SLC6A11: variants seen among roughly 807,000 people sequenced by gnomAD.
SLC6A11 encodes sodium- and chloride-dependent GABA transporter 3.
In SLC6A11, 25 loss-of-function variants were observed where a neutral mutation model predicts 74.8. The observed-to-expected ratio is 0.33, with a 90% CI of 0.24 to 0.47. SLC6A11 has a LOEUF of 0.47. SLC6A11 is among the 20% of genes least tolerant of loss of function. The probability of loss-of-function intolerance (pLI) is 1.00; values close to 1 mark genes in which losing one functional copy is unlikely to be tolerated. For missense variants in SLC6A11, 574 were observed against 837.0 expected, an observed-to-expected ratio of 0.69 and a Z score of 3.88; for synonymous variants, 330 against 330.2, an observed-to-expected ratio of 1.00 and a Z score of 0.01.
chr3:10,857,889 A>G (rs1694657505), intron 5 of SLC6A11, among the ~76,000 whole-genome samples: 1 of 152,258 alleles, frequency 6.6e-6, no homozygotes, highest in Non-Finnish European at 1.5e-5. Flanking sequence ...TAAATAAAAC[A>G]GCATGTATTT....
intron 6 of SLC6A11, among the ~76,000 whole-genome samples, chr3:10,889,402 C>T (rs1347110755): frequency 6.6e-6 from 1 of 152,186 alleles, no homozygotes; most frequent in Non-Finnish European, 1.5e-5. Context: ...CCCACCACTG[C>T]AGTATCACAC....
intron 6 of SLC6A11, among the ~76,000 whole-genome samples, chr3:10,906,027 C>G (rs1052800838): frequency 1.3e-5 from 2 of 152,174 alleles, no homozygotes; most frequent in African/African-American, 4.8e-5. Flanking sequence ...CCATGTATCT[C>G]TTGAACATCT....
At chr3:10,895,902 G>C (rs1197741340) in intron 6 of SLC6A11, among the ~76,000 whole-genome samples, 1 of 152,224 alleles carries the variant, frequency 6.6e-6, no homozygotes, top group Non-Finnish European at 1.5e-5. Context: ...AGGAGCAAGC[G>C]TCGTCTTTGC....
chr3:10,855,678 G>A (rs1694630579), intron 5 of SLC6A11, among the ~76,000 whole-genome samples: 1 of 147,414 alleles, frequency 6.8e-6, no homozygotes, highest in Non-Finnish European at 1.5e-5. Flanking sequence ...AGGCTGGAGT[G>A]TGAGTCAGAC....
intron 7 of SLC6A11, among the ~76,000 whole-genome samples, chr3:10,913,928 C>T (rs911247348): frequency 1.3e-5 from 2 of 152,178 alleles, no homozygotes; most frequent in African/African-American, 2.4e-5. Flanking sequence ...CTCCTGACCT[C>T]GTGATCTGCC....
At position 10,891,459 on chromosome 3, in the gene SLC6A11, A is replaced by G. The variant is rs1039185143; in HGVS notation, c.891+16364A>G. The stretch of plus-strand genomic sequence containing the variant: ...ACAGCTCAATTTTATTCATAAAATC[A>G]TGTGTCAGTGGTGGTGATTTCATAT... On this transcript the variant is annotated intron_variant, in intron 6 of 13. Transcript: ENST00000254488. Among the ~76,000 whole-genome samples the G allele has an allele frequency of 7.2e-5, 11 of 152,194 alleles. 1 individual carries two copies. Among genetic ancestry groups the G allele is most frequent in the Admixed American group, 7.2e-4 (11 of 15,288 alleles).
intron 5 of SLC6A11, among the ~76,000 whole-genome samples, chr3:10,854,094 C>G (rs1694609352): frequency 6.6e-6 from 1 of 152,206 alleles, no homozygotes; most frequent in South Asian, 2.1e-4. Context: ...TTTTAACAAG[C>G]TATTTCTAAG....
Position 10,938,578 on chromosome 3 carries a change from G to A in SLC6A11, c.*176G>A, listed in dbSNP as rs374606323. Reference sequence around the variant, plus strand: ...TGCTCTAAAGTCATATCCCCTCCCCGCCCCCAGTCATCATGGAAGTAACCA... The same window carrying A: ...TGCTCTAAAGTCATATCCCCTCCCCACCCCCAGTCATCATGGAAGTAACCA... On this transcript the variant is annotated 3_prime_UTR_variant, in exon 14 of 14. Transcript: ENST00000254488. The A allele has an allele frequency of 1.0e-3, 539 of 525,556 alleles. 1 individual carries two copies. The highest frequency in any genetic ancestry group is 9.9e-3 in the South Asian group (236 of 23,894). 32.6% of individuals were successfully genotyped at this position (525,556 alleles called of 1,614,324 possible).
chr3:10,932,351 C>T (rs1695699227), intron 10 of SLC6A11, among the ~76,000 whole-genome samples: 1 of 152,172 alleles, frequency 6.6e-6, no homozygotes, highest in Non-Finnish European at 1.5e-5. Context: ...TGGGACCCAG[C>T]ACTGGACAAA....
At chr3:10,857,182 C>T (rs773252883) in intron 5 of SLC6A11, among the ~76,000 whole-genome samples, 2 of 152,148 alleles carry the variant, frequency 1.3e-5, no homozygotes, top group African/African-American at 2.4e-5. Flanking sequence ...TATAGTGGCC[C>T]GGGGTGGTCT....
chr3:10,906,416 C>T (rs1695303453), intron 6 of SLC6A11, among the ~76,000 whole-genome samples: 1 of 152,138 alleles, frequency 6.6e-6, no homozygotes, highest in African/African-American at 2.4e-5. Flanking sequence ...GTGACATCTG[C>T]ATGATGTCAG....
chr3:10,873,364 C>T (rs1215109162), intron 5 of SLC6A11, among the ~76,000 whole-genome samples: 2 of 131,478 alleles, frequency 1.5e-5, no homozygotes, highest in Non-Finnish European at 3.1e-5. Context: ...CTTTCCCTCC[C>T]CTATGCTCAC....
chr3:10,923,394 TG>T (rs1695561768), intron 8 of SLC6A11, among the ~76,000 whole-genome samples: 1 of 152,080 alleles, frequency 6.6e-6, no homozygotes, highest in South Asian at 2.1e-4. Context: ...CAAAAAGCCA[TG>T]GAAATCAACC....
chr3:10,838,472 G>A (rs972705639), intron 4 of SLC6A11, among the ~76,000 whole-genome samples: 1 of 152,240 alleles, frequency 6.6e-6, no homozygotes, highest in African/African-American at 2.4e-5. Flanking sequence ...TGGGGGCAGG[G>A]CATGGTTGGC....
At chr3:10,931,025 T>C (rs1274512895) in intron 10 of SLC6A11, among the ~76,000 whole-genome samples, 1 of 152,164 alleles carries the variant, frequency 6.6e-6, no homozygotes. Context: ...GGAAGGAACT[T>C]TCCCTCCTTA....
chr3:10,891,554 A>C (rs1695107839), intron 6 of SLC6A11, among the ~76,000 whole-genome samples: 1 of 152,234 alleles, frequency 6.6e-6, no homozygotes, highest in South Asian at 2.1e-4. Context: ...AATTATACTC[A>C]TGAAGGTATT....
intron 3 of SLC6A11, 116 bp downstream of exon 3, chr3:10,819,968 T>C: frequency 9.0e-7 from 1 of 1,110,488 alleles, no homozygotes; most frequent in Non-Finnish European, 1.3e-6. Context: ...TCCAGTTTTC[T>C]AGGGTAGTCT....
At chr3:10,851,671 A>G (rs1245880842) in intron 5 of SLC6A11, among the ~76,000 whole-genome samples, 1 of 152,246 alleles carries the variant, frequency 6.6e-6, no homozygotes, top group Non-Finnish European at 1.5e-5. Context: ...GAAGGTGCGA[A>G]TATCGTCCCC....
intron 6 of SLC6A11, among the ~76,000 whole-genome samples, chr3:10,882,773 C>T (rs1233389486): frequency 6.6e-6 from 1 of 152,180 alleles, no homozygotes; most frequent in Non-Finnish European, 1.5e-5. Flanking sequence ...GGGAGTCACT[C>T]TGCTGCCACT....
Sources: allele counts gnomAD v4.1 joint callset (sites outside exome capture counted in the v4.1 genomes callset), GRCh38; gene constraint gnomAD v4.1.1; transcripts MANE v1.5; gene names NCBI Gene and HGNC (gene_info 2026-07-23, HGNC 2026-07-21).